The following ANK2 variants were observed in gnomAD, a reference collection of about 807,000 sequenced individuals.
The protein encoded by ANK2 is ankyrin 2.
A neutral mutation model predicts 360.5 loss-of-function variants in ANK2; 83 were observed. That is an observed-to-expected ratio of 0.23 (90% CI 0.19 to 0.28). The LOEUF (loss-of-function observed/expected upper bound fraction) is 0.28. ANK2 is among the 10% of genes least tolerant of loss of function. The pLI, the probability that ANK2 is intolerant of heterozygous loss-of-function variation, is 1.00. For synonymous variants in ANK2, 1,740 were observed against 1,759.5 expected (o/e 0.99, Z 0.28); for missense variants, 4,201 against 4,795.7 (o/e 0.88, Z 3.66).
intron 2 of ANK2, among the ~76,000 whole-genome samples, chr4:112,938,970 TAA>T (rs1210399876): frequency 6.6e-6 from 1 of 152,242 alleles, no homozygotes; most frequent in Non-Finnish European, 1.5e-5. Context: ...TTCTTATATT[TAA>T]AATAAAAAGA....
chr4:113,003,827 G>C (rs2051725569), intron 2 of ANK2, among the ~76,000 whole-genome samples: 2 of 152,190 alleles, frequency 1.3e-5, no homozygotes, highest in African/African-American at 4.8e-5. Context: ...AACCTAGATG[G>C]TATATTGCCT....
chr4:113,228,410 C>A (rs1321930138), intron 4 of ANK2, among the ~76,000 whole-genome samples: 2 of 152,144 alleles, frequency 1.3e-5, no homozygotes, highest in South Asian at 4.1e-4. Context: ...TAGCTTAGCT[C>A]CCCCTAAGAG....
chr4:113,087,836 T>C (rs2085632270), intron 1 of ANK2, among the ~76,000 whole-genome samples: 1 of 152,180 alleles, frequency 6.6e-6, no homozygotes, highest in South Asian at 2.1e-4. Flanking sequence ...GGAGATGTAA[T>C]GTATTTTGAA....
intron 14 of ANK2, among the ~76,000 whole-genome samples, chr4:113,267,665 G>T (rs771656032): frequency 2.9e-4 from 44 of 152,150 alleles, no homozygotes; most frequent in Admixed American, 2.0e-3. Flanking sequence ...TTGTAGTATA[G>T]TTCGAAGTCA....
intron 1 of ANK2, among the ~76,000 whole-genome samples, chr4:112,869,546 G>A (rs750072581): frequency 1.3e-5 from 2 of 152,070 alleles, no homozygotes; most frequent in African/African-American, 2.4e-5. Context: ...GTCTCCCAAA[G>A]TATTGGGATT....
At chr4:112,805,599 T>A in the ANK2 span, among the ~76,000 whole-genome samples, 1 of 120,782 alleles carries the variant, frequency 8.3e-6, no homozygotes, top group Non-Finnish European at 1.7e-5. Context: ...TTTTTTTTTT[T>A]AAGACCGAGT....
upstream of ANK2, among the ~76,000 whole-genome samples, chr4:112,816,093 G>C (rs1578927366): frequency 6.6e-6 from 1 of 152,274 alleles, no homozygotes; most frequent in Non-Finnish European, 1.5e-5. Flanking sequence ...GAAGTTGGGG[G>C]CAGTCTTGTG....
chr4:113,227,103 G>A (rs2099233222), intron 4 of ANK2, among the ~76,000 whole-genome samples: 1 of 152,156 alleles, frequency 6.6e-6, no homozygotes, highest in Non-Finnish European at 1.5e-5. Context: ...GTGTTAAAGT[G>A]CTGCCATGCC....
At chr4:112,915,232 A>G (rs952455935) in intron 2 of ANK2, among the ~76,000 whole-genome samples, 8 of 152,160 alleles carry the variant, frequency 5.3e-5, no homozygotes. Context: ...CAAGATCCTC[A>G]GGGACTCAAA....
At chr4:112,904,733 A>C (rs1194659009) in intron 2 of ANK2, among the ~76,000 whole-genome samples, 1 of 152,128 alleles carries the variant, frequency 6.6e-6, no homozygotes, top group African/African-American at 2.4e-5. Flanking sequence ...TTGGGAATGA[A>C]AAGGTAAATA....
intron 1 of ANK2, among the ~76,000 whole-genome samples, chr4:113,173,278 T>G (rs1030275582): frequency 1.2e-4 from 18 of 152,216 alleles, no homozygotes; most frequent in African/African-American, 3.6e-4. Flanking sequence ...CTTCCATTTC[T>G]ATCTCTGTAC....
chr4:113,019,115 T>C (rs2057401914), intron 2 of ANK2, among the ~76,000 whole-genome samples: 1 of 152,210 alleles, frequency 6.6e-6, no homozygotes. Context: ...ACAGGTATGT[T>C]CAGGTTATAT....
chr4:112,851,506 A>G (rs1007182348), intron 1 of ANK2, among the ~76,000 whole-genome samples: 5 of 152,116 alleles, frequency 3.3e-5, no homozygotes, highest in Admixed American at 6.5e-5. Context: ...CTCTCATCAC[A>G]TTCTCCTCAA....
intron 10 of ANK2, among the ~76,000 whole-genome samples, chr4:113,254,729 C>T (rs994063080): frequency 1.3e-5 from 2 of 152,152 alleles, no homozygotes; most frequent in African/African-American, 4.8e-5. Context: ...CTGTTGAAAT[C>T]ACCTTCCTTG....
Position 113,252,971 on chromosome 4 carries a change from T to C in ANK2, c.991-2764T>C, listed in dbSNP as rs542014901. 2.0e-5 allele frequency among the ~76,000 whole-genome samples: 3 copies of C among 152,354 alleles called. No homozygotes were observed. The South Asian group carries it at 6.2e-4, about 32-fold the overall frequency. ...CTCGATCCCTGCTATCTGACCATTCTATATTTTCTTCAAACTTATGTAGAC... is the reference window on the plus strand; with the variant it reads ...CTCGATCCCTGCTATCTGACCATTCCATATTTTCTTCAAACTTATGTAGAC... On this transcript the variant is annotated intron_variant, in intron 10 of 45. Coordinates refer to ENST00000357077, the MANE Select transcript of ANK2 (RefSeq NM_001148.6).
chr4:113,239,622 G>A (rs956000775), intron 7 of ANK2, among the ~76,000 whole-genome samples: 1 of 151,964 alleles, frequency 6.6e-6, no homozygotes, highest in Non-Finnish European at 1.5e-5. Flanking sequence ...TGCAAAGATG[G>A]CAACAATTTT....
intron 1 of ANK2, among the ~76,000 whole-genome samples, chr4:113,131,769 C>G (rs1441456413): frequency 6.6e-6 from 1 of 152,184 alleles, no homozygotes; most frequent in Non-Finnish European, 1.5e-5. Flanking sequence ...TTCCTGCACA[C>G]TAAAGCACAG....
At chr4:112,836,038 TC>T (rs1395793382) in intron 1 of ANK2, among the ~76,000 whole-genome samples, 6 of 152,194 alleles carry the variant, frequency 3.9e-5, no homozygotes, top group Non-Finnish European at 8.8e-5. Flanking sequence ...GTCACAGCTT[TC>T]TATCCTGGGA....
rs1173563902 is a variant in ANK2 at position 113,177,169 on chromosome 4, C to T, written c.186+2652C>T. Among the ~76,000 whole-genome samples the T allele has an allele frequency of 3.3e-5, 5 of 152,072 alleles. No individual in the cohort carries two copies. The East Asian group carries it at 9.6e-4, about 29-fold the overall frequency. On this transcript the variant is annotated intron_variant, in intron 2 of 45. Coordinates refer to ENST00000357077, the MANE Select transcript of ANK2 (RefSeq NM_001148.6). ...ATCTCGGCTCACTGCAGGCTTCGTC[C>T]CCTGGGGTTCACGCCATTCTCCTGC...
Sources: allele counts gnomAD v4.1 joint callset (sites outside exome capture counted in the v4.1 genomes callset), GRCh38; gene constraint gnomAD v4.1.1; transcripts MANE v1.5; gene names NCBI Gene and HGNC (gene_info 2026-07-23, HGNC 2026-07-21).